The following ELAPOR2 variants were observed in gnomAD, a reference collection of about 807,000 sequenced individuals.
The protein encoded by ELAPOR2 is endosome/lysosome-associated apoptosis and autophagy regulator family member 2.
Under a neutral mutation model 120.7 loss-of-function variants are expected in ELAPOR2, and 89 were observed. That is an observed-to-expected ratio of 0.74 (90% CI 0.62 to 0.88). The LOEUF (loss-of-function observed/expected upper bound fraction) is 0.88. Ranked by LOEUF, ELAPOR2 falls within the 40% of genes least tolerant of loss-of-function variation. ELAPOR2 has a pLI of 0.00. For missense variants in ELAPOR2, 1,134 were observed against 1,251.6 expected, an observed-to-expected ratio of 0.91 and a Z score of 1.42; for synonymous variants, 444 against 444.9, an observed-to-expected ratio of 1.00 and a Z score of 0.03.
chr7:87,057,576 T>G (rs1795302406), intron 1 of ELAPOR2, among the ~76,000 whole-genome samples: 1 of 152,208 alleles, frequency 6.6e-6, no homozygotes, highest in Admixed American at 6.5e-5. Context: ...AACGGATGAG[T>G]CACATGCAAT....
rs200729152 is a variant in ELAPOR2 at position 86,976,222 on chromosome 7, T to C, written c.190-11198A>G. Among the ~76,000 whole-genome samples the C allele has an allele frequency of 1.4e-3, 217 of 152,302 alleles. 4 individuals carry two copies. In the South Asian group the frequency reaches 0.034, roughly 24 times the overall value. Reference sequence around the variant, plus strand: ...CAAAGAGCTTAGGAGAAAATCCTTATTATTCTTTTTCTTCCTTCCTTCACT... The same window carrying C: ...CAAAGAGCTTAGGAGAAAATCCTTACTATTCTTTTTCTTCCTTCCTTCACT... On this transcript the variant is annotated intron_variant, in intron 1 of 21. Coordinates refer to ENST00000450689, the MANE Select transcript of ELAPOR2 (RefSeq NM_001142749.3).
chr7:86,943,834 A>G (rs1184048827), intron 4 of ELAPOR2, among the ~76,000 whole-genome samples: 3 of 152,112 alleles, frequency 2.0e-5, no homozygotes, highest in African/African-American at 7.2e-5. Context: ...TTTTAAACTC[A>G]TCAAAAGATA....
intron 3 of ELAPOR2, among the ~76,000 whole-genome samples, chr7:86,945,408 G>T (rs1790959603): frequency 6.6e-6 from 1 of 152,122 alleles, no homozygotes; most frequent in Admixed American, 6.6e-5. Context: ...TATGGAAGGG[G>T]AGAAAGAGCA....
chr7:86,881,523 A>T (rs1799401997), intron 21 of ELAPOR2, among the ~76,000 whole-genome samples: 1 of 151,712 alleles, frequency 6.6e-6, no homozygotes, highest in Admixed American at 6.6e-5. Flanking sequence ...CGCCCAGATA[A>T]TTTTTTGTAT....
chr7:86,908,515 AT>A lies in ELAPOR2; in HGVS notation c.2387del (p.Asn796IlefsTer4). 3 of 1,574,122 alleles carry A rather than the reference AT, an allele frequency of 1.9e-6. No individual in the cohort carries two copies. Among genetic ancestry groups the A allele is most frequent in the East Asian group, 2.3e-5 (1 of 43,618 alleles). ...GGAACATATCTTCTTTTATATTAAT[AT>A]TTTTCAATGTGGTTTCAACTGTGAC... is the stretch of plus-strand genomic sequence containing the variant. ...IGVTVETTLK[N>X]INIKEDMFPV... On this transcript the variant is annotated frameshift_variant, in exon 17 of 22. Coordinates refer to ENST00000450689, the MANE Select transcript of ELAPOR2 (RefSeq NM_001142749.3). LOFTEE classifies it high-confidence loss of function.
intron 21 of ELAPOR2, among the ~76,000 whole-genome samples, chr7:86,889,760 A>G (rs1311990429): frequency 6.6e-6 from 1 of 152,078 alleles, no homozygotes; most frequent in Non-Finnish European, 1.5e-5. Context: ...ACTTCTGTAT[A>G]TTGGGTTTCT....
rs1789344570 is a variant in ELAPOR2 at position 86,912,167 on chromosome 7, G to A, written c.2074C>T (p.Leu692Phe). ...TTCATTAATGAGCCCACACTGCTGA[G>A]GTTGCTAAAGTCATAGTGCAAACTC... ...NQSLHYDFSN[L>F]SSVGSLMNGP... Residue 692 changes from leucine (L) to phenylalanine (F), a missense_variant, in exon 15 of 22, where the codon CTC becomes TTC. Physicochemically the swap from Leu to Phe is conservative, Grantham distance 22. Coordinates refer to ENST00000450689, the MANE Select transcript of ELAPOR2 (RefSeq NM_001142749.3). 1 of 1,612,612 alleles carries A rather than the reference G, an allele frequency of 6.2e-7. No individual in the cohort carries two copies. Among genetic ancestry groups the A allele is most frequent in the Non-Finnish European group, 8.5e-7 (1 of 1,178,802 alleles).
chr7:86,891,669 T>C, intron 21 of ELAPOR2, 55 bp downstream of exon 21: 2 of 1,458,050 alleles, frequency 1.4e-6, no homozygotes, highest in Non-Finnish European at 1.9e-6. Context: ...ATTAGGTTAA[T>C]ATGCCCTCTA....
At chr7:86,999,884 G>A (rs143698469) in intron 1 of ELAPOR2, among the ~76,000 whole-genome samples, 16 of 152,218 alleles carry the variant, frequency 1.1e-4, no homozygotes, top group Admixed American at 9.2e-4. Flanking sequence ...TGATTCTCAT[G>A]CATATTTCAT....
chr7:87,025,268 C>G (rs1794207099), intron 1 of ELAPOR2, among the ~76,000 whole-genome samples: 1 of 152,102 alleles, frequency 6.6e-6, no homozygotes, highest in Non-Finnish European at 1.5e-5. Flanking sequence ...TAAAAACCAT[C>G]AAGCTACATT....
At chr7:86,995,329 A>C (rs1204335177) in intron 1 of ELAPOR2, among the ~76,000 whole-genome samples, 5 of 152,204 alleles carry the variant, frequency 3.3e-5, no homozygotes, top group Non-Finnish European at 7.3e-5. Flanking sequence ...GATAATACAT[A>C]AATGAATAAG....
chr7:87,014,623 A>G (rs11975067), intron 1 of ELAPOR2, among the ~76,000 whole-genome samples: 2,613 of 152,268 alleles, frequency 0.017, 77 homozygotes, highest in African/African-American at 0.059. Context: ...CTAAAAACCA[A>G]TTTTGCCAGA....
At position 86,911,833 on chromosome 7, in the gene ELAPOR2, A is replaced by T. The variant is rs576982504; in HGVS notation, c.2169+239T>A. 4.5e-5 allele frequency: 26 copies of T among 582,504 alleles called. 1 individual carries two copies. In the South Asian group the frequency reaches 4.6e-4, roughly 10 times the overall value. The allele number at this position is 582,504 out of a possible 1,614,324, so 36.1% of individuals were successfully genotyped here. ...TCAAAGCACTTACACCATAGCTCCA[A>T]GCTTCAGGTTTCAACTGACTGCATA... On this transcript the variant is annotated intron_variant, in intron 15 of 21. Transcript: ENST00000450689.
intron 1 of ELAPOR2, among the ~76,000 whole-genome samples, chr7:86,990,190 G>A (rs1054631068): frequency 1.3e-5 from 2 of 152,072 alleles, no homozygotes; most frequent in African/African-American, 4.8e-5. Flanking sequence ...GGGACTACAG[G>A]CACCTGCCAC....
intron 10 of ELAPOR2, chr7:86,920,924 CA>C (rs1466477115): frequency 1.3e-5 from 2 of 152,264 alleles, no homozygotes; most frequent in Non-Finnish European, 2.9e-5. Context: ...ATTCCAGACA[CA>C]CCTCAGTAGA....
rs1228572580 is a variant in ELAPOR2, at chr7:86,878,786, A to T, written c.*1685T>A. 6.6e-6 allele frequency: 1 copy of T among 152,220 alleles called. No homozygotes were observed. Among genetic ancestry groups the T allele is most frequent in the Non-Finnish European group, 1.5e-5 (1 of 68,034 alleles). The allele number at this position is 152,220 out of a possible 1,614,324, so 9.4% of individuals were successfully genotyped here. On this transcript the variant is annotated 3_prime_UTR_variant, in exon 22 of 22. Transcript: ENST00000450689. ...CTTTATAAGAACATTCAAGAAATTAAATGCAAAAAAAGGTTTATGCAAAGT... is the reference window on the plus strand; with the variant it reads ...CTTTATAAGAACATTCAAGAAATTATATGCAAAAAAAGGTTTATGCAAAGT...
At chr7:87,037,083 C>A (rs1451032667) in intron 1 of ELAPOR2, among the ~76,000 whole-genome samples, 2 of 152,012 alleles carry the variant, frequency 1.3e-5, no homozygotes, top group Non-Finnish European at 2.9e-5. Flanking sequence ...CAGTTTCATC[C>A]TCAAATGCTT....
chr7:86,932,856 G>A (rs1584365976), intron 8 of ELAPOR2, among the ~76,000 whole-genome samples: 3 of 151,948 alleles, frequency 2.0e-5, no homozygotes, highest in Admixed American at 2.0e-4. Context: ...ATATCTGAGA[G>A]TTTCTTTCAC....
chr7:86,982,061 T>A (rs958678854), intron 1 of ELAPOR2, among the ~76,000 whole-genome samples: 1 of 152,238 alleles, frequency 6.6e-6, no homozygotes, highest in Non-Finnish European at 1.5e-5. Context: ...TCACTGCTAG[T>A]GCAGCAGTCT....
Sources: gnomAD v4.1 joint callset for allele counts (sites outside exome capture counted in the v4.1 genomes callset) on GRCh38, gnomAD v4.1.1 for gene constraint, MANE v1.5 for transcripts, NCBI Gene and HGNC (gene_info 2026-07-23, HGNC 2026-07-21) for gene names.